DENND2B: variants seen among roughly 807,000 people sequenced by gnomAD.
DENND2B encodes the protein DENN domain-containing protein 2B.
In DENND2B, 32 loss-of-function variants were observed where a neutral mutation model predicts 116.0. The ratio of observed to expected loss-of-function variants is 0.28; its 90% CI spans 0.21 to 0.37. DENND2B has a LOEUF of 0.37. Ranked by LOEUF, DENND2B falls within the 10% of genes least tolerant of loss-of-function variation. The probability of loss-of-function intolerance (pLI) is 1.00; values close to 1 mark genes in which losing one functional copy is unlikely to be tolerated. For synonymous variants in DENND2B, 588 were observed against 583.9 expected (o/e 1.01, Z -0.10); for missense variants, 1,276 against 1,477.7 (o/e 0.86, Z 2.24).
intron 1 of DENND2B, among the ~76,000 whole-genome samples, chr11:8,894,028 T>C (rs1177119343): frequency 6.6e-6 from 1 of 152,174 alleles, no homozygotes; most frequent in Non-Finnish European, 1.5e-5. Context: ...CAAAACAGCA[T>C]GGTACTGGTA....
upstream of DENND2B, among the ~76,000 whole-genome samples, chr11:8,814,230 T>G: frequency 6.7e-6 from 1 of 148,372 alleles, no homozygotes; most frequent in African/African-American, 2.5e-5. Context: ...CAGCTTCCAC[T>G]CTCCCCTCAC....
intron 4 of DENND2B, chr11:8,718,344 T>TC: frequency 6.5e-7 from 1 of 1,533,064 alleles, no homozygotes; most frequent in Non-Finnish European, 8.7e-7. Context: ...TCAGGGGATC[T>TC]CCCTGGGGAC....
At chr11:8,745,738 T>G (rs1321383472) in intron 2 of DENND2B, among the ~76,000 whole-genome samples, 1 of 152,232 alleles carries the variant, frequency 6.6e-6, no homozygotes, top group Admixed American at 6.5e-5. Flanking sequence ...GGATTCTTAC[T>G]CTTGGAACCC....
intron 1 of DENND2B, among the ~76,000 whole-genome samples, chr11:8,767,131 G>A (rs894709426): frequency 1.3e-5 from 2 of 152,188 alleles, no homozygotes; most frequent in Non-Finnish European, 2.9e-5. Flanking sequence ...AAATTAATGC[G>A]TGGGAGGTGG....
intron 4 of DENND2B, among the ~76,000 whole-genome samples, chr11:8,720,541 C>A (rs2045977574): frequency 6.6e-6 from 1 of 152,232 alleles, no homozygotes; most frequent in Non-Finnish European, 1.5e-5. Flanking sequence ...TGTTTAACAT[C>A]CTGTCTAATG....
chr11:8,779,941 C>T (rs774385754), intron 1 of DENND2B, among the ~76,000 whole-genome samples: 21 of 152,320 alleles, frequency 1.4e-4, no homozygotes, highest in Non-Finnish European at 1.8e-4. Flanking sequence ...CCTGCTCCCA[C>T]GGTAGGACAA....
At chr11:8,800,924 G>A (rs983388932) in intron 1 of DENND2B, among the ~76,000 whole-genome samples, 11 of 151,978 alleles carry the variant, frequency 7.2e-5, no homozygotes, top group Admixed American at 5.9e-4. Flanking sequence ...AGACTGCTGG[G>A]GCAAGTCTCA....
chr11:8,892,955 T>G (rs2064052892), intron 1 of DENND2B, among the ~76,000 whole-genome samples: 2 of 152,084 alleles, frequency 1.3e-5, no homozygotes, highest in South Asian at 4.2e-4. Context: ...AAAAGAGAAT[T>G]TTAGACCAAT....
intron 2 of DENND2B, chr11:8,870,788 C>T (rs1300614443): frequency 2.6e-5 from 4 of 152,356 alleles, no homozygotes; most frequent in African/African-American, 9.6e-5. Context: ...CGGACCCCAC[C>T]AGCCCCGCTC....
At position 8,707,363 on chromosome 11, in the gene DENND2B, T is replaced by A. The variant is rs563506295; in HGVS notation, c.2431-138A>T. ...AGACGGGAAGGTGGTCTTGCCATGA[T>A]CTGCACACTCTACCCTTCCCGTTTT... On this transcript the variant is annotated intron_variant, in intron 12 of 19. Transcript: ENST00000313726. The surrounding 1 kb of genome is among the most constrained non-coding windows in gnomAD (Gnocchi z 4.8). The A allele has an allele frequency of 2.4e-5, 27 of 1,116,540 alleles. No individual in the cohort carries two copies. Among genetic ancestry groups the A allele is most frequent in the Non-Finnish European group, 3.0e-5 (24 of 805,294 alleles). 69.2% of individuals were successfully genotyped at this position (1,116,540 alleles called of 1,614,324 possible).
chr11:8,727,177 C>T (rs1449773015), intron 3 of DENND2B, among the ~76,000 whole-genome samples: 2 of 152,228 alleles, frequency 1.3e-5, no homozygotes, highest in Non-Finnish European at 2.9e-5. Context: ...AAGGCACTGA[C>T]TGGATCCCTC....
intron 1 of DENND2B, among the ~76,000 whole-genome samples, chr11:8,891,854 T>C (rs940382895): frequency 6.6e-6 from 1 of 152,146 alleles, no homozygotes; most frequent in Admixed American, 6.5e-5. Context: ...TTAACAAGGA[T>C]ATCCAGGAAT....
At chr11:8,777,325 T>C (rs1239759741) in intron 1 of DENND2B, among the ~76,000 whole-genome samples, 1 of 152,090 alleles carries the variant, frequency 6.6e-6, no homozygotes, top group East Asian at 1.9e-4. Flanking sequence ...ACCCAGAGGG[T>C]AATCCTAATT....
intron 4 of DENND2B, among the ~76,000 whole-genome samples, chr11:8,822,238 T>C (rs1255323070): frequency 6.6e-6 from 1 of 152,200 alleles, no homozygotes; most frequent in African/African-American, 2.4e-5. Flanking sequence ...AAGTTCTATA[T>C]ACTAAAGATG....
At chr11:8,757,692 A>G (rs1277029056) in intron 1 of DENND2B, among the ~76,000 whole-genome samples, 2 of 152,200 alleles carry the variant, frequency 1.3e-5, no homozygotes, top group Non-Finnish European at 2.9e-5. Context: ...GGTGGGTACT[A>G]TTAATATTTC....
intron 3 of DENND2B, among the ~76,000 whole-genome samples, chr11:8,856,796 C>A (rs1306321984): frequency 6.6e-6 from 1 of 151,724 alleles, no homozygotes; most frequent in African/African-American, 2.4e-5. Flanking sequence ...GACTGTCACC[C>A]AGGCTAGAGT....
At chr11:8,695,662 T>A (rs1161764982) in intron 18 of DENND2B, 113 bp from the exon 19 acceptor site, 2 of 870,804 alleles carry the variant, frequency 2.3e-6, no homozygotes, top group Non-Finnish European at 3.6e-6. Context: ...AAAGAAAACA[T>A]CTGGGATGAT....
chr11:8,715,433 G>A (rs747695388), intron 6 of DENND2B, 170 bp downstream of exon 6: 5 of 637,140 alleles, frequency 7.8e-6, no homozygotes, highest in Non-Finnish European at 1.3e-5. Flanking sequence ...ATAAGAAAGG[G>A]GAATTAATCA....
At position 8,702,494 on chromosome 11, in the gene DENND2B, G is replaced by A; in HGVS notation, c.2720+78C>T. On this transcript the variant is annotated intron_variant, in intron 14 of 19. Coordinates refer to ENST00000313726, the MANE Select transcript of DENND2B (RefSeq NM_213618.2). The surrounding 1 kb of genome is among the most constrained non-coding windows in gnomAD (Gnocchi z 4.6). ...GCACTGGTCTCCGGCGCCTGCTTAG[G>A]CTCCTGAACACTTGCTGATTCGCTT... 6.3e-7 allele frequency: 1 copy of A among 1,588,286 alleles called. No individual in the cohort carries two copies. The highest frequency in any genetic ancestry group is 8.5e-7 in the Non-Finnish European group (1 of 1,172,202).
Sources: gnomAD v4.1 joint callset for allele counts (sites outside exome capture counted in the v4.1 genomes callset) on GRCh38, gnomAD v4.1.1 for gene constraint, Gnocchi (gnomAD v3.1) non-coding constraint, MANE v1.5 for transcripts, NCBI Gene and HGNC (gene_info 2026-07-23, HGNC 2026-07-21) for gene names.